Variants in TTC39B observed in about 807,000 individuals in gnomAD.
The protein encoded by TTC39B is tetratricopeptide repeat domain 39B, also known as tetratricopeptide repeat protein 39B.
In TTC39B, 92 loss-of-function variants were observed where a neutral mutation model predicts 96.6. The observed-to-expected ratio is 0.95, with a 90% CI of 0.80 to 1.13. TTC39B has a LOEUF of 1.13. Ranked by LOEUF, TTC39B falls within the 50% of genes most tolerant of loss-of-function variation. The pLI, the probability that TTC39B is intolerant of heterozygous loss-of-function variation, is 0.00. For synonymous variants in TTC39B, 367 were observed against 299.4 expected (o/e 1.23, Z -2.33); for missense variants, 955 against 809.3 (o/e 1.18, Z -2.18).
chr9:15,261,007 A>G (rs1368902995), intron 2 of TTC39B, among the ~76,000 whole-genome samples: 1 of 152,220 alleles, frequency 6.6e-6, no homozygotes, highest in Non-Finnish European at 1.5e-5. Flanking sequence ...ACCACTGCTG[A>G]GAATATATTA....
chr9:15,228,439 G>A (rs1821246965), intron 2 of TTC39B, among the ~76,000 whole-genome samples: 1 of 151,962 alleles, frequency 6.6e-6, no homozygotes, highest in Admixed American at 6.5e-5. Flanking sequence ...ATTCCAGCCT[G>A]GGTGACAAGA....
chr9:15,244,701 T>C (rs1042754462), intron 2 of TTC39B, among the ~76,000 whole-genome samples: 21 of 152,224 alleles, frequency 1.4e-4, no homozygotes, highest in Non-Finnish European at 2.8e-4. Flanking sequence ...TAATGCTTCC[T>C]GCAGTCATGG....
intron 2 of TTC39B, among the ~76,000 whole-genome samples, chr9:15,226,302 T>C (rs1821122044): frequency 6.6e-6 from 1 of 152,246 alleles, no homozygotes; most frequent in Admixed American, 6.5e-5. Flanking sequence ...TATATATCCG[T>C]CCAGGTTTTT....
intron 2 of TTC39B, among the ~76,000 whole-genome samples, chr9:15,230,217 A>G (rs1295298053): frequency 6.6e-6 from 1 of 152,206 alleles, no homozygotes; most frequent in African/African-American, 2.4e-5. Context: ...TCTAACTTTT[A>G]AGTTTTTAAA....
chr9:15,188,169 T>C, intron 13 of TTC39B, 37 bp from the exon 14 acceptor site: 1 of 1,540,634 alleles, frequency 6.5e-7, no homozygotes, highest in Non-Finnish European at 8.7e-7. Context: ...CGTCCAGATA[T>C]TAGACAAGGA....
chr9:15,249,665 T>C (rs1161868674), intron 2 of TTC39B: 1 of 174,064 alleles, frequency 5.7e-6, no homozygotes, highest in South Asian at 1.3e-4. Context: ...AGTCACACTA[T>C]TTTCTTCAAT....
rs548514099 is a variant in TTC39B at position 15,199,512 on chromosome 9, G to C, written c.824+349C>G. Among the ~76,000 whole-genome samples, 24 of 151,852 alleles carry C rather than the reference G, an allele frequency of 1.6e-4. No homozygotes were observed. The East Asian group carries it at 4.7e-3, about 29-fold the overall frequency. Reference sequence around the variant, plus strand: ...GCACTTTGGGAGGCTGAGGCGGGCGGATCACGAGGTCAGGAGATCGAGACC... The same window carrying C: ...GCACTTTGGGAGGCTGAGGCGGGCGCATCACGAGGTCAGGAGATCGAGACC... On this transcript the variant is annotated intron_variant, in intron 8 of 19. Transcript: ENST00000512701.
intron 8 of TTC39B, 101 bp from the exon 9 acceptor site, chr9:15,192,796 A>G (rs1376856047): frequency 3.9e-6 from 3 of 765,468 alleles, no homozygotes; most frequent in Non-Finnish European, 6.3e-6. Flanking sequence ...AAATGTCATT[A>G]ATTAAAATAC....
chr9:15,302,642 G>A (rs1277639773), intron 1 of TTC39B, among the ~76,000 whole-genome samples: 2 of 150,022 alleles, frequency 1.3e-5, no homozygotes, highest in African/African-American at 4.9e-5. Flanking sequence ...TCAGGAGTTC[G>A]AGACCGGCCT....
intron 2 of TTC39B, among the ~76,000 whole-genome samples, chr9:15,266,818 G>A (rs1746516327): frequency 6.6e-6 from 1 of 152,102 alleles, no homozygotes; most frequent in Non-Finnish European, 1.5e-5. Context: ...AGTGGCTCAC[G>A]CCTGTAATCC....
At chr9:15,259,798 T>G (rs1012517859) in intron 2 of TTC39B, among the ~76,000 whole-genome samples, 1 of 152,214 alleles carries the variant, frequency 6.6e-6, no homozygotes. Context: ...CTATCTGTAC[T>G]ACACATTCTA....
chr9:15,214,130 G>C lies in TTC39B; in HGVS notation c.482+9C>G. On this transcript the variant is annotated intron_variant, in intron 4 of 19. Coordinates refer to ENST00000512701, the Ensembl canonical transcript of TTC39B. Reference sequence around the variant, plus strand: ...AGATATTTTATCTAAAAGAGACAAAGTAAATTACCAGGGGCGAAGCAATTC... The same window carrying C: ...AGATATTTTATCTAAAAGAGACAAACTAAATTACCAGGGGCGAAGCAATTC... The C allele has an allele frequency of 6.3e-7, 1 of 1,594,258 alleles. No homozygotes were observed. Among genetic ancestry groups the C allele is most frequent in the Non-Finnish European group, 8.6e-7 (1 of 1,163,216 alleles).
chr9:15,182,445 G>T (rs765474279), intron 16 of TTC39B, 30 bp from the exon 17 acceptor site: 4 of 1,462,092 alleles, frequency 2.7e-6, no homozygotes, highest in Middle Eastern at 3.9e-4. Flanking sequence ...ACCATTTGCA[G>T]TTATATGAGG....
chr9:15,236,936 A>C (rs1821809185), intron 2 of TTC39B, among the ~76,000 whole-genome samples: 1 of 152,050 alleles, frequency 6.6e-6, no homozygotes, highest in African/African-American at 2.4e-5. Flanking sequence ...ACAAGAACAA[A>C]CCAACCCAAA....
chr9:15,186,623 T>C lies in TTC39B; in HGVS notation c.1487+321A>G, dbSNP rs140166231. 911 of 192,028 alleles carry C rather than the reference T, an allele frequency of 4.7e-3. 11 individuals carry two copies. Among genetic ancestry groups the C allele is most frequent in the African/African-American group, 0.02 (869 of 42,914 alleles). 11.9% of individuals were successfully genotyped at this position (192,028 alleles called of 1,614,324 possible). A position where few individuals can be genotyped will look rare whatever the true frequency, so the allele number is the denominator to read the frequency against. On this transcript the variant is annotated intron_variant, in intron 15 of 19. Coordinates refer to ENST00000512701, the Ensembl canonical transcript of TTC39B. ...TTTCCGTAAAATAAGGAAATGAACT[T>C]TACAGTAAAAAGTGACATTTATCAT...
chr9:15,251,065 T>A (rs377615331), intron 2 of TTC39B, among the ~76,000 whole-genome samples: 22 of 151,950 alleles, frequency 1.4e-4, no homozygotes, highest in African/African-American at 5.1e-4. Context: ...GTGTGGTGGC[T>A]CACGCCTGTA....
intron 17 of TTC39B, 41 bp downstream of exon 17, chr9:15,182,266 G>A (rs777944223): frequency 6.2e-6 from 8 of 1,294,908 alleles, no homozygotes; most frequent in African/African-American, 4.5e-5. Flanking sequence ...CAGTCATGGA[G>A]CAGAGACAAA....
At chr9:15,244,653 G>C (rs1822191989) in intron 2 of TTC39B, among the ~76,000 whole-genome samples, 1 of 152,248 alleles carries the variant, frequency 6.6e-6, no homozygotes, top group South Asian at 2.1e-4. Context: ...CTTCCCATTA[G>C]ACAGACCATT....
intron 2 of TTC39B, among the ~76,000 whole-genome samples, chr9:15,250,430 G>T (rs796634530): frequency 9.2e-5 from 14 of 151,814 alleles, no homozygotes; most frequent in African/African-American, 3.4e-4. Context: ...AAAAAAGAAT[G>T]ATCCCTTTTG....
Sources: gnomAD v4.1 joint callset for allele counts (sites outside exome capture counted in the v4.1 genomes callset) on GRCh38, gnomAD v4.1.1 for gene constraint, MANE v1.5 for transcripts, NCBI Gene and HGNC (gene_info 2026-07-23, HGNC 2026-07-21) for gene names.